The following DNAH8 variants were observed in gnomAD, a reference collection of about 807,000 sequenced individuals.
DNAH8 encodes dynein axonemal heavy chain 8, also known as axonemal beta dynein heavy chain 8.
A neutral mutation model predicts 562.1 loss-of-function variants in DNAH8; 382 were observed. The ratio of observed to expected loss-of-function variants is 0.68; its 90% CI spans 0.63 to 0.74. The LOEUF (loss-of-function observed/expected upper bound fraction) is 0.74, where lower values mean the gene tolerates loss of function less well. Ranked by LOEUF, DNAH8 falls within the 30% of genes least tolerant of loss-of-function variation. The probability of loss-of-function intolerance (pLI) is 0.00; values close to 1 mark genes in which losing one functional copy is unlikely to be tolerated. For synonymous variants in DNAH8, 1,881 were observed against 1,919.4 expected (o/e 0.98, Z 0.52); for missense variants, 5,203 against 5,620.4 (o/e 0.93, Z 2.37).
rs35736496 is a variant in DNAH8, at chr6:38,845,076, CAA to C, written c.4846-489_4846-488del. On this transcript the variant is annotated intron_variant, in intron 35 of 92. Coordinates refer to ENST00000327475, the MANE Select transcript of DNAH8 (RefSeq NM_001206927.2). ...GTGAGTCTTTCTTATTAAGTATTCT[CAA>C]AAAAAAAATATAGAAAAACCCATAA... Among the ~76,000 whole-genome samples the C allele has an allele frequency of 8.9e-3, 1,304 of 147,218 alleles. 21 individuals are homozygous for C. Among genetic ancestry groups the C allele is most frequent in the African/African-American group, 0.03 (1,215 of 40,448 alleles).
At chr6:38,917,162 T>C in intron 68 of DNAH8, 77 bp from the exon 69 acceptor site, 7 of 1,037,018 alleles carry the variant, frequency 6.8e-6, no homozygotes, top group Non-Finnish European at 9.2e-6. Flanking sequence ...ATCTTAATTA[T>C]TGAAAAGTAT....
intron 11 of DNAH8, 112 bp from the exon 12 acceptor site, chr6:38,770,301 A>G (rs1472265627): frequency 2.3e-5 from 13 of 562,934 alleles, no homozygotes; most frequent in Non-Finnish European, 3.8e-5. Context: ...AAAAAAAACT[A>G]TACAGATTTT....
At chr6:38,883,261 T>C (rs964677820) in intron 54 of DNAH8, 61 bp from the exon 55 acceptor site, 16 of 1,517,724 alleles carry the variant, frequency 1.1e-5, no homozygotes, top group Non-Finnish European at 1.4e-5. Flanking sequence ...CATAGAATCA[T>C]AAGATATTTG....
intron 77 of DNAH8, among the ~76,000 whole-genome samples, chr6:38,937,260 C>G (rs541993968): frequency 6.6e-6 from 1 of 151,726 alleles, no homozygotes; most frequent in African/African-American, 2.4e-5. Context: ...ATGTAAATGA[C>G]AAGTTGATGG....
intron 88 of DNAH8, among the ~76,000 whole-genome samples, chr6:39,003,888 A>G (rs1415231284): frequency 6.6e-6 from 1 of 152,190 alleles, no homozygotes; most frequent in African/African-American, 2.4e-5. Context: ...GGACAAATAT[A>G]CAATGTTGCT....
chr6:38,867,369 T>C (rs573647806), intron 47 of DNAH8, among the ~76,000 whole-genome samples: 23 of 152,228 alleles, frequency 1.5e-4, no homozygotes, highest in African/African-American at 4.8e-4. Context: ...ATTAACCTTT[T>C]CTCCATGTCT....
intron 82 of DNAH8, among the ~76,000 whole-genome samples, chr6:38,967,768 C>G (rs914100198): frequency 5.9e-5 from 9 of 152,018 alleles, no homozygotes; most frequent in Non-Finnish European, 2.9e-5. Context: ...TAGAAATTGA[C>G]AAGACGATCC....
At chr6:39,023,912 G>C (rs897554131) in intron 91 of DNAH8, among the ~76,000 whole-genome samples, 6 of 152,196 alleles carry the variant, frequency 3.9e-5, no homozygotes, top group Non-Finnish European at 5.9e-5. Flanking sequence ...GTGTTCTAGA[G>C]TTCACCTCCT....
chr6:38,995,196 T>A (rs1244683164), intron 88 of DNAH8, among the ~76,000 whole-genome samples: 2 of 152,090 alleles, frequency 1.3e-5, no homozygotes, highest in East Asian at 3.9e-4. Flanking sequence ...CCTAAACACC[T>A]AAAAAGTTAG....
chr6:38,746,312 G>A (rs1011141568), intron 8 of DNAH8, among the ~76,000 whole-genome samples: 7 of 152,086 alleles, frequency 4.6e-5, no homozygotes, highest in African/African-American at 1.7e-4. Context: ...AGGTTGGCTT[G>A]TGTGTTTCCT....
At chr6:38,982,000 T>C (rs1764069277) in intron 85 of DNAH8, among the ~76,000 whole-genome samples, 1 of 152,212 alleles carries the variant, frequency 6.6e-6, no homozygotes, top group Admixed American at 6.5e-5. Context: ...TACCTACCAT[T>C]GTGTTACAGT....
chr6:38,875,700 C>T lies in DNAH8; in HGVS notation c.7730C>T (p.Ala2577Val). 1.2e-6 allele frequency: 2 copies of T among 1,613,762 alleles called. No individual in the cohort carries two copies. The highest frequency in any genetic ancestry group is 1.1e-5 in the South Asian group (1 of 91,070). Residue 2577 changes from alanine (A) to valine (V), a missense_variant, in exon 53 of 93, where the codon GCC becomes GTC. Physicochemically the swap from Ala to Val is moderately conservative, Grantham distance 64. Transcript: ENST00000327475. The stretch of plus-strand genomic sequence containing the variant: ...TTTGGCCTAATGTGGAGTTTAGGAG[C>T]CCTTCTGGAATTAGAAAGCAGAGAA... ...FVFGLMWSLG[A>V]LLELESREKL...
At position 38,984,221 on chromosome 6, in the gene DNAH8, A is replaced by G; in HGVS notation, c.12967A>G (p.Thr4323Ala). 2 of 1,589,518 alleles carry G rather than the reference A, an allele frequency of 1.3e-6. No individual in the cohort carries two copies. Among genetic ancestry groups the G allele is most frequent in the South Asian group, 1.1e-5 (1 of 90,202 alleles). Residue 4323 changes from threonine (T) to alanine (A), a missense_variant, in exon 87 of 93, where the codon ACG becomes GCG. Coordinates refer to ENST00000327475, the MANE Select transcript of DNAH8 (RefSeq NM_001206927.2). ...CDIKKGVSWNTVRYMIGEVQY... is the reference protein window; with the variant it reads ...CDIKKGVSWNAVRYMIGEVQY... ...TTTAATAAAGGGTGTATCATGGAAT[A>G]CGGTTCGGTACATGATCGGAGAAGT... is the stretch of plus-strand genomic sequence containing the variant.
intron 22 of DNAH8, among the ~76,000 whole-genome samples, chr6:38,804,782 AG>A (rs1562845230): frequency 2.8e-4 from 43 of 151,864 alleles, no homozygotes; most frequent in African/African-American, 7.7e-4. Context: ...AGAGAGAGAG[AG>A]AGAGAGAAAG....
intron 81 of DNAH8, among the ~76,000 whole-genome samples, chr6:38,950,525 C>T (rs752859972): frequency 1.3e-5 from 2 of 151,662 alleles, no homozygotes; most frequent in East Asian, 2.0e-4. Context: ...CTGTAAGCTC[C>T]GCCTCCCGGG....
chr6:38,887,085 G>A, intron 57 of DNAH8, 81 bp downstream of exon 57: 1 of 1,038,972 alleles, frequency 9.6e-7, no homozygotes, highest in Admixed American at 2.0e-5. Flanking sequence ...GAGACAAAAA[G>A]GCTCTGTCTA....
intron 26 of DNAH8, among the ~76,000 whole-genome samples, chr6:38,817,071 G>T (rs544631963): frequency 2.4e-4 from 37 of 152,292 alleles, no homozygotes; most frequent in African/African-American, 7.9e-4. Context: ...GGCCCAGTGT[G>T]GTGGCTCACG....
chr6:38,822,863 G>C lies in DNAH8; in HGVS notation c.3549G>C (p.Ala1183=). The part of the protein sequence containing the change: ...EERSFEEAIP[A]RKLKNFYPGV... ...GATCTTTTGAAGAAGCTATTCCTGCGAGGAAGCTGAAGAATTTTTACCCGG... is the reference window on the plus strand; with the variant it reads ...GATCTTTTGAAGAAGCTATTCCTGCCAGGAAGCTGAAGAATTTTTACCCGG... The change falls in exon 27 of 93, where the codon GCG becomes GCC. Residue 1183 remains alanine, a synonymous_variant. Coordinates refer to ENST00000327475, the MANE Select transcript of DNAH8 (RefSeq NM_001206927.2). The C allele has an allele frequency of 6.2e-7, 1 of 1,601,850 alleles. No individual in the cohort carries two copies. The highest frequency in any genetic ancestry group is 1.1e-5 in the South Asian group (1 of 88,090).
At chr6:38,756,455 T>G (rs1005872215) in intron 10 of DNAH8, among the ~76,000 whole-genome samples, 22 of 152,274 alleles carry the variant, frequency 1.4e-4, no homozygotes, top group African/African-American at 5.3e-4. Context: ...GCCGCATGGT[T>G]AATTATTTAA....
Sources: allele counts gnomAD v4.1 joint callset (sites outside exome capture counted in the v4.1 genomes callset), GRCh38; gene constraint gnomAD v4.1.1; transcripts MANE v1.5; gene names NCBI Gene and HGNC (gene_info 2026-07-23, HGNC 2026-07-21).